The following POLR1C variants were observed in gnomAD, a reference collection of about 807,000 sequenced individuals.
The protein encoded by POLR1C is DNA-directed RNA polymerases I and III subunit RPAC1.
POLR1C carries 42 observed loss-of-function variants against 38.3 expected under a neutral mutation model. The observed-to-expected ratio is 1.10, with a 90% CI of 0.86 to 1.42. The LOEUF is 1.42. Among genes scored for constraint, POLR1C ranks in the 40% most tolerant of loss-of-function variants. The pLI is 0.00. For missense variants in POLR1C, 507 were observed against 450.5 expected (o/e 1.13, Z -1.14); for synonymous variants, 163 against 163.9 (o/e 0.99, Z 0.04).
chr6:43,523,781 G>A (rs760566068), downstream of POLR1C: 9 of 1,601,420 alleles, frequency 5.6e-6, no homozygotes, highest in Non-Finnish European at 7.7e-6. Context: ...AAAGTGAGGT[G>A]GCAGTGCAAG....
chr6:43,555,669 T>G (rs1762041806), intron 10 of POLR1C: 1 of 701,608 alleles, frequency 1.4e-6, no homozygotes, highest in Middle Eastern at 4.0e-4. Context: ...TCATCTGCTT[T>G]CTTTGTGTCA....
chr6:43,532,258 A>C (rs529263562), downstream of POLR1C, among the ~76,000 whole-genome samples: 35 of 152,332 alleles, frequency 2.3e-4, no homozygotes, highest in African/African-American at 8.2e-4. Context: ...TCAAAGGAAA[A>C]GATTCAGGAC....
chr6:43,519,838 G>A lies in POLR1C; in HGVS notation c.382G>A (p.Gly128Arg). Residue 128 changes from glycine (G) to arginine (R), a missense_variant and splice_region_variant, in exon 4 of 9, where the codon GGA (glycine) becomes AGA (arginine). Coordinates refer to ENST00000642195, the MANE Select transcript of POLR1C (RefSeq NM_203290.4). ...DPRLFEYRNQ[G>R]DEEGTEIDTL... is the part of the protein sequence containing the mutation. ...CCGTCTTTTTGAGTATCGGAACCAAGGTGAGAAAATGAAATTTTGGGAGAA... is the reference window on the plus strand; with the variant it reads ...CCGTCTTTTTGAGTATCGGAACCAAAGTGAGAAAATGAAATTTTGGGAGAA... 1 of 1,613,868 alleles carries A rather than the reference G, an allele frequency of 6.2e-7. No homozygotes were observed. The highest frequency in any genetic ancestry group is 1.3e-5 in the African/African-American group (1 of 75,022).
At chr6:43,537,484 C>T (rs1358205450) in intron 9 of POLR1C, among the ~76,000 whole-genome samples, 2 of 152,144 alleles carry the variant, frequency 1.3e-5, no homozygotes, top group African/African-American at 4.8e-5. Flanking sequence ...TGGTGTCTGT[C>T]CTCGACAACT....
At chr6:43,525,083 G>A (rs890998607), downstream of POLR1C, 13 of 1,569,170 alleles carry the variant, frequency 8.3e-6, no homozygotes, top group African/African-American at 1.4e-5. Flanking sequence ...ATGAGGGGCA[G>A]GGAAAAGGGG....
intron 10 of POLR1C, chr6:43,560,864 C>T (rs977197311): frequency 2.3e-6 from 3 of 1,303,402 alleles, no homozygotes; most frequent in Non-Finnish European, 3.3e-6. Context: ...TTTCAGGACA[C>T]AGTGCTTGAC....
chr6:43,549,454 A>G lies in POLR1C; in HGVS notation c.*5-1514A>G, dbSNP rs373644510. ...CTGGATTTACACACAAATGTAACCA[A>G]ACTTGGCTACTTCAGCCAGGGTCCA... On this transcript the variant is annotated intron_variant, in intron 9 of 10. Transcript: ENST00000607635. The G allele has an allele frequency of 7.7e-6, 12 of 1,568,450 alleles. No homozygotes were observed. The African/African-American group carries it at 1.5e-4, about 20-fold the overall frequency.
chr6:43,517,711 A>T (rs2231755), intron 2 of POLR1C, among the ~76,000 whole-genome samples: 3,887 of 152,222 alleles, frequency 0.026, 153 homozygotes, highest in African/African-American at 0.086. Flanking sequence ...ACATTTCAAG[A>T]GGAGGGTACA....
intron 9 of POLR1C, chr6:43,549,896 A>T (rs781338192): frequency 6.2e-7 from 1 of 1,610,736 alleles, no homozygotes; most frequent in East Asian, 2.2e-5. Flanking sequence ...GTCTTACCTT[A>T]CTTTCTTCAA....
intron 9 of POLR1C, chr6:43,549,996 A>G: frequency 6.4e-7 from 1 of 1,556,530 alleles, no homozygotes; most frequent in South Asian, 1.2e-5. Flanking sequence ...AGATCTTGCT[A>G]TGTTGCCCAG....
chr6:43,522,589 G>A (rs1793258211), downstream of POLR1C: 9 of 336,434 alleles, frequency 2.7e-5, no homozygotes, highest in South Asian at 1.8e-4. Context: ...CACAGGAAGA[G>A]GGAGCAACAC....
chr6:43,530,130 G>A (rs777793549), downstream of POLR1C, among the ~76,000 whole-genome samples: 3 of 151,928 alleles, frequency 2.0e-5, no homozygotes, highest in African/African-American at 4.8e-5. Flanking sequence ...AGTAGCATGC[G>A]CCTGTAATCC....
In POLR1C at chr6:43,540,694, G is replaced by A. The variant is rs117295802; in HGVS notation, c.*5-10274G>A. On this transcript the variant is annotated intron_variant, in intron 9 of 10. Coordinates refer to the POLR1C transcript ENST00000607635. Reference sequence around the variant, plus strand: ...AAAAATCGATATGGGGTCTTGCTACGTTGCCCAGGCTGGTCTCCAGCAATG... The same window carrying A: ...AAAAATCGATATGGGGTCTTGCTACATTGCCCAGGCTGGTCTCCAGCAATG... Among the ~76,000 whole-genome samples, 30 of 152,200 alleles carry A rather than the reference G, an allele frequency of 2.0e-4. No homozygotes were observed. In the East Asian group the frequency reaches 5.4e-3, roughly 27 times the overall value.
chr6:43,525,966 G>T, downstream of POLR1C: 1 of 1,599,512 alleles, frequency 6.3e-7, no homozygotes, highest in East Asian at 2.2e-5. Context: ...TTTCAGAACA[G>T]AGAAGAATAT....
downstream of POLR1C, chr6:43,531,398 G>C (rs969332642): frequency 7.6e-7 from 1 of 1,320,466 alleles, no homozygotes; most frequent in Non-Finnish European, 1.1e-6. Context: ...CTGTACACTA[G>C]ATGAAAAGTC....
rs531987232 is a variant in POLR1C, at chr6:43,535,549, TCTTG to T, written c.*4+6194_*4+6197del. Among the ~76,000 whole-genome samples, 361 of 152,234 alleles carry T rather than the reference TCTTG, an allele frequency of 2.4e-3. 2 individuals carry two copies. The highest frequency in any genetic ancestry group is 8.4e-3 in the African/African-American group (348 of 41,536). ...AGCCTCCATAGTTTGTTCTGTTTGTTCTTGCTTAAGAAGTCATTCTAGAGGCCGG... is the reference window on the plus strand; with the variant it reads ...AGCCTCCATAGTTTGTTCTGTTTGTTCTTAAGAAGTCATTCTAGAGGCCGG... On this transcript the variant is annotated intron_variant, in intron 9 of 10. Transcript: ENST00000607635.
intron 9 of POLR1C, chr6:43,546,790 G>C: frequency 8.5e-7 from 1 of 1,174,066 alleles, no homozygotes; most frequent in Non-Finnish European, 1.1e-6. Flanking sequence ...ATATTAAAAG[G>C]AAAAAAAAAA....
At chr6:43,517,446 C>T in intron 2 of POLR1C, 69 bp downstream of exon 2, 1 of 1,347,988 alleles carries the variant, frequency 7.4e-7, no homozygotes, top group Non-Finnish European at 1.1e-6. Context: ...CAGCCTGTGT[C>T]TGTCTCAGAA....
chr6:43,561,043 C>T (rs773898215), intron 10 of POLR1C: 22 of 1,526,410 alleles, frequency 1.4e-5, no homozygotes, highest in Admixed American at 6.8e-5. Context: ...CGGTGTTGAT[C>T]GAGAAAAGCA....
Sources: allele counts gnomAD v4.1 joint callset (sites outside exome capture counted in the v4.1 genomes callset), GRCh38; gene constraint gnomAD v4.1.1; transcripts MANE v1.5; gene names NCBI Gene and HGNC (gene_info 2026-07-23, HGNC 2026-07-21).